The following CNOT6 variants were observed in gnomAD, a reference collection of about 807,000 sequenced individuals.
CNOT6 encodes the protein CCR4-NOT transcription complex subunit 6.
Under a neutral mutation model 61.2 loss-of-function variants are expected in CNOT6, and 12 were observed. The ratio of observed to expected loss-of-function variants is 0.20; its 90% CI spans 0.13 to 0.32. The LOEUF is 0.32. Ranked by LOEUF, CNOT6 falls within the 10% of genes least tolerant of loss-of-function variation. CNOT6 has a pLI of 1.00. For missense variants in CNOT6, 405 were observed against 663.9 expected (o/e 0.61, Z 4.28); for synonymous variants, 225 against 240.6 (o/e 0.94, Z 0.60).
At chr5:180,529,214 G>T (rs1554098854) in intron 1 of CNOT6, 61 bp from the exon 2 acceptor site, 22 of 700,610 alleles carry the variant, frequency 3.1e-5, no homozygotes, top group Non-Finnish European at 3.7e-5. Context: ...AAAAAAAAAA[G>T]GTGTTGTGGC....
intron 1 of CNOT6, among the ~76,000 whole-genome samples, chr5:180,527,578 G>A (rs757770892): frequency 1.3e-5 from 2 of 152,144 alleles, no homozygotes; most frequent in Non-Finnish European, 2.9e-5. Context: ...GTGTAAACTA[G>A]TATCAGATCT....
At chr5:180,566,877 C>T (rs184404796) in intron 7 of CNOT6, among the ~76,000 whole-genome samples, 9 of 152,122 alleles carry the variant, frequency 5.9e-5, no homozygotes, top group Non-Finnish European at 1.2e-4. Flanking sequence ...TGGTCTGGAA[C>T]TCCTGGGCTC....
chr5:180,576,522 G>A lies in CNOT6; in HGVS notation c.*2322G>A, dbSNP rs942464967. On this transcript the variant is annotated 3_prime_UTR_variant, in exon 12 of 12. Coordinates refer to ENST00000261951, the MANE Select transcript of CNOT6 (RefSeq NM_001370472.1). ...GCAGCATATTAAGATGTAATGGCCT[G>A]TTATGTCTTGAAAATACTTGTTTTG... The A allele has an allele frequency of 6.6e-6, 1 of 152,608 alleles. No homozygotes were observed. The highest frequency in any genetic ancestry group is 1.5e-5 in the Non-Finnish European group (1 of 68,028). 9.5% of individuals were successfully genotyped at this position (152,608 alleles called of 1,614,324 possible). A position where few individuals can be genotyped will look rare whatever the true frequency, so the allele number is the denominator to read the frequency against.
rs558482496 is a variant in CNOT6 at position 180,554,391 on chromosome 5, C to T, written c.385+920C>T. Among the ~76,000 whole-genome samples, 3 of 149,526 alleles carry T rather than the reference C, an allele frequency of 2.0e-5. No individual in the cohort carries two copies. The Admixed American group carries it at 2.0e-4, about 10-fold the overall frequency. ...TGACATTGTGGCATTGCACTCCAGC[C>T]TGGGTGACAGAGCGAGACTCTGTCT... On this transcript the variant is annotated intron_variant, in intron 4 of 11. Transcript: ENST00000261951.
rs193271137 is a variant in CNOT6 at position 180,565,218 on chromosome 5, T to G, written c.559+475T>G. ...CCCAAATTTTTCTCTATGAGAAGTT[T>G]CCAAATCCTAGCATGTTCCAAATGG... On this transcript the variant is annotated intron_variant, in intron 6 of 11. Transcript: ENST00000261951. 8.6e-4 allele frequency among the ~76,000 whole-genome samples: 131 copies of G among 152,354 alleles called. 1 individual carries two copies. The highest frequency in any genetic ancestry group is 8.6e-3 in the Admixed American group (131 of 15,302).
At chr5:180,539,100 G>A (rs1258336364) in intron 2 of CNOT6, among the ~76,000 whole-genome samples, 1 of 150,344 alleles carries the variant, frequency 6.7e-6, no homozygotes, top group African/African-American at 2.5e-5. Context: ...TGTTGAACCC[G>A]GGAGGCAGTG....
chr5:180,568,687 T>G (rs1760593269), intron 9 of CNOT6, among the ~76,000 whole-genome samples: 1 of 152,196 alleles, frequency 6.6e-6, no homozygotes, highest in South Asian at 2.1e-4. Context: ...CCGAAACTTG[T>G]GTCACTTGAG....
intron 1 of CNOT6, among the ~76,000 whole-genome samples, chr5:180,523,701 C>T (rs1437983037): frequency 6.6e-6 from 1 of 152,180 alleles, no homozygotes; most frequent in Non-Finnish European, 1.5e-5. Context: ...TATAACCCCT[C>T]ACTGTGATTC....
intron 4 of CNOT6, among the ~76,000 whole-genome samples, chr5:180,561,280 A>G (rs1266226633): frequency 1.3e-5 from 2 of 151,036 alleles, no homozygotes; most frequent in Non-Finnish European, 2.9e-5. Context: ...CAGTTCTAAT[A>G]TTCCCATTTG....
rs17080395 is a variant in CNOT6 at position 180,578,263 on chromosome 5, T to C, written c.*4063T>C. 0.047 allele frequency: 7,152 copies of C among 152,748 alleles called. 389 individuals are homozygous for C. The highest frequency in any genetic ancestry group is 0.13 in the African/African-American group (5,438 of 41,554). The allele number at this position is 152,748 out of a possible 1,614,324, so 9.5% of individuals were successfully genotyped here. On this transcript the variant is annotated 3_prime_UTR_variant, in exon 12 of 12. Coordinates refer to ENST00000261951, the MANE Select transcript of CNOT6 (RefSeq NM_001370472.1). ...TTTAGGATTTTCGTTGTTGTTACCT[T>C]ATACCTCATGATATAAGGAATGGGC...
intron 1 of CNOT6, among the ~76,000 whole-genome samples, chr5:180,501,552 G>C (rs939520680): frequency 6.6e-6 from 1 of 152,266 alleles, no homozygotes; most frequent in Admixed American, 6.5e-5. Context: ...GGAAGTTAGG[G>C]GATTACTCAG....
intron 1 of CNOT6, among the ~76,000 whole-genome samples, chr5:180,495,179 G>T (rs1756548262): frequency 6.6e-6 from 1 of 152,208 alleles, no homozygotes; most frequent in African/African-American, 2.4e-5. Context: ...TTCGCGCTCC[G>T]TGGCCACAAT....
intron 1 of CNOT6, among the ~76,000 whole-genome samples, chr5:180,505,240 G>A (rs191727101): frequency 1.4e-5 from 2 of 146,232 alleles, no homozygotes; most frequent in Non-Finnish European, 3.0e-5. Context: ...GATTACAGGC[G>A]GTAATAGTTA....
chr5:180,515,156 G>A (rs1379062081), intron 1 of CNOT6, among the ~76,000 whole-genome samples: 2 of 151,886 alleles, frequency 1.3e-5, no homozygotes, highest in Non-Finnish European at 2.9e-5. Context: ...AGTGGCTCAC[G>A]TCTGTAAACC....
rs1373515559 is a variant in CNOT6 at position 180,577,620 on chromosome 5, G to A, written c.*3420G>A. Reference sequence around the variant, plus strand: ...TTTGGTTACATACATTTTAATAACTGGTATGTTGAAGTAGTGTCTAAAAGT... The same window carrying A: ...TTTGGTTACATACATTTTAATAACTAGTATGTTGAAGTAGTGTCTAAAAGT... On this transcript the variant is annotated 3_prime_UTR_variant, in exon 12 of 12. Transcript: ENST00000261951. 1 of 152,558 alleles carries A rather than the reference G, an allele frequency of 6.6e-6. No homozygotes were observed. Among genetic ancestry groups the A allele is most frequent in the Non-Finnish European group, 1.5e-5 (1 of 68,030 alleles). The allele number at this position is 152,558 out of a possible 1,614,324, so 9.5% of individuals were successfully genotyped here. A position where few individuals can be genotyped will look rare whatever the true frequency, so the allele number is the denominator to read the frequency against.
At chr5:180,504,000 A>G (rs1430555536) in intron 1 of CNOT6, among the ~76,000 whole-genome samples, 1 of 152,170 alleles carries the variant, frequency 6.6e-6, no homozygotes, top group Admixed American at 6.5e-5. Flanking sequence ...GTTGGCCCAA[A>G]TTTATAACCG....
At chr5:180,513,284 G>T (rs1279234112) in intron 1 of CNOT6, among the ~76,000 whole-genome samples, 1 of 152,182 alleles carries the variant, frequency 6.6e-6, no homozygotes, top group East Asian at 1.9e-4. Context: ...CCACCTCCCA[G>T]TCTCCAGCGA....
intron 1 of CNOT6, among the ~76,000 whole-genome samples, chr5:180,523,775 G>A (rs1757972872): frequency 6.6e-6 from 1 of 152,028 alleles, no homozygotes. Context: ...GATTCCTGAA[G>A]GTTTTTTTTC....
chr5:180,535,915 G>A lies in CNOT6; in HGVS notation c.112+6527G>A, dbSNP rs558587178. Among the ~76,000 whole-genome samples, 9 of 150,060 alleles carry A rather than the reference G, an allele frequency of 6.0e-5. No individual in the cohort carries two copies. The South Asian group carries it at 1.9e-3, about 32-fold the overall frequency. On this transcript the variant is annotated intron_variant, in intron 2 of 11. Coordinates refer to ENST00000261951, the MANE Select transcript of CNOT6 (RefSeq NM_001370472.1). ...TTTCTCTGATGATTATTGATGTTGAGCATTTTTTTCGTATTTGTTGGCAAT... is the reference window on the plus strand; with the variant it reads ...TTTCTCTGATGATTATTGATGTTGAACATTTTTTTCGTATTTGTTGGCAAT...
Sources: gnomAD v4.1 joint callset for allele counts (sites outside exome capture counted in the v4.1 genomes callset) on GRCh38, gnomAD v4.1.1 for gene constraint, MANE v1.5 for transcripts, NCBI Gene and HGNC (gene_info 2026-07-23, HGNC 2026-07-21) for gene names.